CNTNAP2: variants seen among roughly 807,000 people sequenced by gnomAD.
The protein encoded by CNTNAP2 is contactin-associated protein-like 2.
In CNTNAP2, 98 loss-of-function variants were observed where a neutral mutation model predicts 155.2. That is an observed-to-expected ratio of 0.63 (90% confidence interval 0.54 to 0.75). CNTNAP2 has a LOEUF of 0.75. Among genes scored for constraint, CNTNAP2 ranks in the 30% least tolerant of loss-of-function variants. The probability of loss-of-function intolerance (pLI) is 0.00; values close to 1 mark genes in which losing one functional copy is unlikely to be tolerated. For missense variants in CNTNAP2, 1,727 were observed against 1,688.1 expected, an observed-to-expected ratio of 1.02 and a Z score of -0.40; for synonymous variants, 651 against 631.2, an observed-to-expected ratio of 1.03 and a Z score of -0.47.
intron 1 of CNTNAP2, among the ~76,000 whole-genome samples, chr7:146,289,954 A>C (rs1194347907): frequency 1.3e-5 from 2 of 152,314 alleles, no homozygotes; most frequent in African/African-American, 4.8e-5. Context: ...GGTTATTATT[A>C]TTTTAAGAAA....
chr7:147,789,727 A>T (rs982829213), intron 13 of CNTNAP2, among the ~76,000 whole-genome samples: 1 of 152,178 alleles, frequency 6.6e-6, no homozygotes, highest in Non-Finnish European at 1.5e-5. Flanking sequence ...AGGCGGAAGG[A>T]GGTGGAAGGT....
intron 1 of CNTNAP2, among the ~76,000 whole-genome samples, chr7:146,391,775 T>G (rs1466457607): frequency 6.8e-6 from 1 of 148,146 alleles, no homozygotes; most frequent in Non-Finnish European, 1.5e-5. Flanking sequence ...GTTGTTGTTG[T>G]TGGCTAAATG....
intron 3 of CNTNAP2, among the ~76,000 whole-genome samples, chr7:146,852,185 A>G (rs28605905): frequency 0.037 from 5,582 of 152,186 alleles, 340 homozygotes; most frequent in African/African-American, 0.13. Context: ...ACTAGTAGGC[A>G]AGTACTTTAT....
chr7:148,401,449 A>G (rs1160256981), intron 22 of CNTNAP2, among the ~76,000 whole-genome samples: 1 of 152,254 alleles, frequency 6.6e-6, no homozygotes, highest in Non-Finnish European at 1.5e-5. Flanking sequence ...ATAAACAATT[A>G]TAACCAAACA....
chr7:146,944,917 A>G (rs534494518), intron 3 of CNTNAP2, among the ~76,000 whole-genome samples: 2 of 152,156 alleles, frequency 1.3e-5, no homozygotes, highest in East Asian at 1.9e-4. Flanking sequence ...TCGTAAGGCT[A>G]TGCATAGCAA....
intron 1 of CNTNAP2, among the ~76,000 whole-genome samples, chr7:146,483,607 C>T (rs1797012065): frequency 6.7e-6 from 1 of 148,510 alleles, no homozygotes; most frequent in African/African-American, 2.5e-5. Flanking sequence ...TAGATAATTC[C>T]AAGAATAAAA....
intron 8 of CNTNAP2, among the ~76,000 whole-genome samples, chr7:147,154,629 G>A (rs1361976206): frequency 2.6e-5 from 4 of 152,088 alleles, no homozygotes; most frequent in Non-Finnish European, 5.9e-5. Flanking sequence ...CATGGCAGCT[G>A]TCATTACCAC....
chr7:147,586,802 T>G (rs535048015), intron 12 of CNTNAP2, among the ~76,000 whole-genome samples: 2 of 152,160 alleles, frequency 1.3e-5, no homozygotes, highest in South Asian at 2.1e-4. Flanking sequence ...CCCATCTGCA[T>G]TTGTGGGGAA....
At chr7:146,650,090 T>C (rs894110052) in intron 1 of CNTNAP2, among the ~76,000 whole-genome samples, 5 of 152,082 alleles carry the variant, frequency 3.3e-5, no homozygotes, top group Non-Finnish European at 7.4e-5. Context: ...TACACCATTG[T>C]TGGTGGGAGT....
intron 20 of CNTNAP2, among the ~76,000 whole-genome samples, chr7:148,230,825 T>C (rs751359809): frequency 6.6e-5 from 10 of 152,182 alleles, no homozygotes; most frequent in Non-Finnish European, 1.2e-4. Flanking sequence ...TCTCTCATCA[T>C]GGTCGACAGA....
intron 8 of CNTNAP2, among the ~76,000 whole-genome samples, chr7:147,286,547 G>A (rs900850483): frequency 2.0e-5 from 3 of 151,976 alleles, no homozygotes; most frequent in African/African-American, 7.2e-5. Flanking sequence ...GATAATATAT[G>A]CATTACCCAA....
intron 20 of CNTNAP2, among the ~76,000 whole-genome samples, chr7:148,266,434 G>A (rs1796669658): frequency 6.6e-6 from 1 of 152,152 alleles, no homozygotes; most frequent in South Asian, 2.1e-4. Context: ...GATCAGAAAC[G>A]TGCGTCGCTT....
chr7:147,182,183 CA>C (rs965896983), intron 8 of CNTNAP2, among the ~76,000 whole-genome samples: 2 of 126,804 alleles, frequency 1.6e-5, no homozygotes, highest in Non-Finnish European at 3.5e-5. Flanking sequence ...GAAATAAAAA[CA>C]AAAGCAAAGT....
chr7:147,898,839 C>G (rs1033045623), intron 13 of CNTNAP2, among the ~76,000 whole-genome samples: 12 of 152,260 alleles, frequency 7.9e-5, no homozygotes, highest in African/African-American at 2.6e-4. Flanking sequence ...AATTGACTGG[C>G]TATTTTGGCT....
chr7:146,769,038 C>T (rs1268114540), intron 1 of CNTNAP2, among the ~76,000 whole-genome samples: 1 of 152,212 alleles, frequency 6.6e-6, no homozygotes. Context: ...ATAATTTCCT[C>T]TGCTCCAGCT....
intron 1 of CNTNAP2, among the ~76,000 whole-genome samples, chr7:146,214,016 G>C (rs1367224261): frequency 6.6e-6 from 1 of 152,136 alleles, no homozygotes; most frequent in Non-Finnish European, 1.5e-5. Context: ...AATAGTGCTA[G>C]GAAGAGGCTT....
intron 15 of CNTNAP2, among the ~76,000 whole-genome samples, chr7:148,052,828 C>G (rs545858153): frequency 1.3e-5 from 2 of 152,334 alleles, no homozygotes; most frequent in East Asian, 3.9e-4. Context: ...GAGCGGATTA[C>G]TTGAGGTCGG....
chr7:147,012,172 T>C (rs1311587505), intron 3 of CNTNAP2, among the ~76,000 whole-genome samples: 2 of 152,176 alleles, frequency 1.3e-5, no homozygotes, highest in African/African-American at 4.8e-5. Flanking sequence ...AGTCACCCCT[T>C]TTCTGCTCCA....
intron 4 of CNTNAP2, among the ~76,000 whole-genome samples, chr7:147,055,973 C>T (rs1258099330): frequency 6.6e-6 from 1 of 152,150 alleles, no homozygotes; most frequent in Non-Finnish European, 1.5e-5. Context: ...CGGCCTTATA[C>T]CACAAGCTCT....
Sources: gnomAD v4.1 joint callset for allele counts (sites outside exome capture counted in the v4.1 genomes callset) on GRCh38, gnomAD v4.1.1 for gene constraint, MANE v1.5 for transcripts, NCBI Gene and HGNC (gene_info 2026-07-23, HGNC 2026-07-21) for gene names.